Variants in CHN2 observed in about 807,000 individuals in gnomAD.
The protein encoded by CHN2 is beta-chimaerin.
In CHN2, 35 loss-of-function variants were observed where a neutral mutation model predicts 56.3. The observed-to-expected ratio is 0.62, with a 90% CI of 0.47 to 0.82. The LOEUF (loss-of-function observed/expected upper bound fraction) is 0.82. Among genes scored for constraint, CHN2 ranks in the 40% least tolerant of loss-of-function variants. The pLI is 0.00. For missense variants in CHN2, 491 were observed against 580.5 expected (o/e 0.85, Z 1.58); for synonymous variants, 210 against 212.8 (o/e 0.99, Z 0.12).
At chr7:29,148,548 C>T (rs1190594859) in intron 2 of CHN2, 2 of 152,180 alleles carry the variant, frequency 1.3e-5, no homozygotes, top group Non-Finnish European at 2.9e-5. Flanking sequence ...GAGAAAATTA[C>T]ATTTATTAAA....
At chr7:29,409,323 G>C (rs1278819296) in intron 6 of CHN2, among the ~76,000 whole-genome samples, 1 of 152,090 alleles carries the variant, frequency 6.6e-6, no homozygotes, top group Non-Finnish European at 1.5e-5. Flanking sequence ...GTATTAGAAA[G>C]TAAAATAGAA....
intron 1 of CHN2, among the ~76,000 whole-genome samples, chr7:29,281,229 T>C (rs1791688301): frequency 6.6e-6 from 1 of 152,210 alleles, no homozygotes; most frequent in Non-Finnish European, 1.5e-5. Context: ...TTTTTGCATG[T>C]ACAAGCTAGC....
At chr7:29,287,742 G>T (rs1792271215) in intron 1 of CHN2, among the ~76,000 whole-genome samples, 1 of 152,196 alleles carries the variant, frequency 6.6e-6, no homozygotes, top group African/African-American at 2.4e-5. Context: ...AGTAGACTCA[G>T]TGAAATCAAA....
chr7:29,402,308 A>G (rs1802287412), intron 6 of CHN2, among the ~76,000 whole-genome samples: 1 of 152,214 alleles, frequency 6.6e-6, no homozygotes, highest in Non-Finnish European at 1.5e-5. Flanking sequence ...GCCCATGAAA[A>G]TATAATTTGC....
intron 1 of CHN2, among the ~76,000 whole-genome samples, chr7:29,323,337 G>A (rs1296257305): frequency 6.6e-6 from 1 of 152,096 alleles, no homozygotes; most frequent in Admixed American, 6.5e-5. Flanking sequence ...TACATGATGA[G>A]GTTTTGAATC....
chr7:29,435,062 A>T (rs550650932), intron 6 of CHN2, among the ~76,000 whole-genome samples: 2 of 152,354 alleles, frequency 1.3e-5, no homozygotes, highest in Admixed American at 6.5e-5. Flanking sequence ...ACTGCACTCC[A>T]GCCTGGGCAA....
intron 6 of CHN2, among the ~76,000 whole-genome samples, chr7:29,443,693 C>T (rs535954245): frequency 1.3e-5 from 2 of 151,766 alleles, no homozygotes; most frequent in South Asian, 4.2e-4. Context: ...GGACCTAGGC[C>T]AAAGGAGCAG....
intron 2 of CHN2, among the ~76,000 whole-genome samples, chr7:29,182,501 A>G (rs1798187606): frequency 6.6e-6 from 1 of 152,234 alleles, no homozygotes; most frequent in South Asian, 2.1e-4. Flanking sequence ...AGATCATCCT[A>G]TTTAACTACT....
chr7:29,388,462 C>T (rs1801107659), intron 3 of CHN2, among the ~76,000 whole-genome samples: 1 of 148,864 alleles, frequency 6.7e-6, no homozygotes, highest in African/African-American at 2.5e-5. Context: ...GCGCCAGGCA[C>T]TGTTGCAAGC....
chr7:29,348,990 A>C (rs1409254306), intron 1 of CHN2, among the ~76,000 whole-genome samples: 2 of 152,204 alleles, frequency 1.3e-5, no homozygotes, highest in Non-Finnish European at 2.9e-5. Flanking sequence ...ATATTTAATA[A>C]ATTATTTTAT....
chr7:29,241,253 AG>A (rs1303876328), intron 1 of CHN2, among the ~76,000 whole-genome samples: 1 of 152,136 alleles, frequency 6.6e-6, no homozygotes, highest in Non-Finnish European at 1.5e-5. Flanking sequence ...TCAGGCTCGC[AG>A]ACAATTTGAA....
intron 6 of CHN2, among the ~76,000 whole-genome samples, chr7:29,438,516 T>C (rs1783405089): frequency 6.6e-6 from 1 of 152,246 alleles, no homozygotes; most frequent in African/African-American, 2.4e-5. Context: ...ATTCTTTTTT[T>C]TTTCCATGTT....
chr7:29,200,398 CTCCTTCCTTCCTTCTT>C lies in CHN2; in HGVS notation c.49+5439_49+5454del, dbSNP rs1554360332. 4.5e-3 allele frequency among the ~76,000 whole-genome samples: 614 copies of C among 135,950 alleles called. 3 individuals carry two copies. Among genetic ancestry groups the C allele is most frequent in the African/African-American group, 0.014 (524 of 36,160 alleles). The allele number at this position is 135,950 out of a possible 152,430, so 89.2% of individuals were successfully genotyped here. ...CCTCCCTCCCTCTATCCACCTTCTTCTCCTTCCTTCCTTCTTTCCTTCCTTCCTTCTTTCCTTCCTT... is the reference window on the plus strand; with the variant it reads ...CCTCCCTCCCTCTATCCACCTTCTTCTCCTTCCTTCCTTCTTTCCTTCCTT... On this transcript the variant is annotated intron_variant, in intron 1 of 12. Transcript: ENST00000222792.
At chr7:29,195,624 G>GAT (rs1783606559) in intron 1 of CHN2, among the ~76,000 whole-genome samples, 1 of 129,104 alleles carries the variant, frequency 7.7e-6, no homozygotes, top group Non-Finnish European at 1.6e-5. Context: ...GAGAGAGAGA[G>GAT]AGAGAGTGTG....
intron 1 of CHN2, among the ~76,000 whole-genome samples, chr7:29,256,130 C>A (rs1419961577): frequency 6.6e-6 from 1 of 152,174 alleles, no homozygotes; most frequent in African/African-American, 2.4e-5. Flanking sequence ...AGTGAGCTTT[C>A]ACCTTTAGGT....
intron 2 of CHN2, among the ~76,000 whole-genome samples, chr7:29,366,633 C>T (rs1262627686): frequency 6.6e-6 from 1 of 152,098 alleles, no homozygotes; most frequent in African/African-American, 2.4e-5. Context: ...TTTTAGTGTC[C>T]TTCTGAGCTA....
intron 6 of CHN2, among the ~76,000 whole-genome samples, chr7:29,404,791 G>T (rs143321643): frequency 6.6e-6 from 1 of 151,980 alleles, no homozygotes; most frequent in Non-Finnish European, 1.5e-5. Flanking sequence ...TCTCAAACTC[G>T]TGGGCTCAAG....
At chr7:29,242,519 G>T (rs930189928) in intron 1 of CHN2, among the ~76,000 whole-genome samples, 4 of 152,058 alleles carry the variant, frequency 2.6e-5, no homozygotes, top group African/African-American at 9.7e-5. Flanking sequence ...TGCAGAATGG[G>T]CTTCTCAGTT....
chr7:29,206,077 C>T (rs1250519235), intron 1 of CHN2, among the ~76,000 whole-genome samples: 1 of 152,114 alleles, frequency 6.6e-6, no homozygotes, highest in Non-Finnish European at 1.5e-5. Flanking sequence ...CACTAAAATA[C>T]CGGCTTCACA....
Sources: allele counts gnomAD v4.1 joint callset (sites outside exome capture counted in the v4.1 genomes callset), GRCh38; gene constraint gnomAD v4.1.1; transcripts MANE v1.5; gene names NCBI Gene and HGNC (gene_info 2026-07-23, HGNC 2026-07-21).